Variants in ZNF215 observed in about 807,000 individuals in gnomAD.
ZNF215 encodes the protein zinc finger protein 215, also known as BWSCR2-associated zinc finger protein 2.
A neutral mutation model predicts 27.2 loss-of-function variants in ZNF215; 24 were observed. That is an observed-to-expected ratio of 0.88 (90% CI 0.64 to 1.24). The LOEUF is 1.24. Ranked by LOEUF, ZNF215 falls within the 50% of genes most tolerant of loss-of-function variation. The probability of loss-of-function intolerance (pLI) is 0.00; values close to 1 mark genes in which losing one functional copy is unlikely to be tolerated. For missense variants in ZNF215, 675 were observed against 605.7 expected (o/e 1.11, Z -1.20); for synonymous variants, 210 against 204.0 (o/e 1.03, Z -0.25).
chr11:6,983,848 G>A (rs1851010087), intron 5 of ZNF215, among the ~76,000 whole-genome samples: 1 of 151,984 alleles, frequency 6.6e-6, no homozygotes, highest in Non-Finnish European at 1.5e-5. Flanking sequence ...GTAGAAATCT[G>A]GCAAAGAATA....
intron 5 of ZNF215, among the ~76,000 whole-genome samples, chr11:6,965,015 G>C (rs1031646628): frequency 3.9e-5 from 6 of 152,158 alleles, no homozygotes; most frequent in Admixed American, 2.0e-4. Flanking sequence ...CCAACAAGCT[G>C]TACAAGTAGA....
At chr11:6,930,803 T>G (rs959276966) in intron 2 of ZNF215, among the ~76,000 whole-genome samples, 26 of 152,372 alleles carry the variant, frequency 1.7e-4, no homozygotes, top group African/African-American at 5.5e-4. Context: ...AAACTTGGGT[T>G]AATATAATTT....
chr11:6,946,364 C>T (rs1849814667), intron 6 of ZNF215, among the ~76,000 whole-genome samples: 1 of 152,222 alleles, frequency 6.6e-6, no homozygotes, highest in Non-Finnish European at 1.5e-5. Context: ...TCTCACCTTG[C>T]ACCACATCCT....
At chr11:6,962,625 C>T (rs1329124424), downstream of ZNF215, among the ~76,000 whole-genome samples, 2 of 152,052 alleles carry the variant, frequency 1.3e-5, no homozygotes. Flanking sequence ...TGCTTGGTGT[C>T]TTCACCTTGT....
chr11:6,973,033 T>C (rs1388353455), intron 5 of ZNF215, among the ~76,000 whole-genome samples: 3 of 152,068 alleles, frequency 2.0e-5, no homozygotes, highest in Non-Finnish European at 4.4e-5. Context: ...ATTAAGTATA[T>C]CTCATAATGC....
chr11:6,936,525 A>G (rs1468707333), intron 3 of ZNF215, among the ~76,000 whole-genome samples: 1 of 152,104 alleles, frequency 6.6e-6, no homozygotes, highest in Non-Finnish European at 1.5e-5. Flanking sequence ...AAACTCAAAG[A>G]TGATATGGCT....
chr11:6,926,950 C>G (rs1305716886), intron 1 of ZNF215: 2 of 130,586 alleles, frequency 1.5e-5, no homozygotes, highest in African/African-American at 3.0e-5. Flanking sequence ...TTGAGAGCAG[C>G]GACAGAGGGC....
chr11:6,934,679 G>T (rs544568074), intron 3 of ZNF215, among the ~76,000 whole-genome samples: 1 of 152,124 alleles, frequency 6.6e-6, no homozygotes, highest in East Asian at 1.9e-4. Context: ...CACTGGAAAA[G>T]GTTCCTCACT....
intron 6 of ZNF215, among the ~76,000 whole-genome samples, chr11:6,950,949 T>C (rs1850031166): frequency 6.6e-6 from 1 of 152,150 alleles, no homozygotes; most frequent in South Asian, 2.1e-4. Flanking sequence ...TGAAGGGTTG[T>C]TGAATTTTGT....
At chr11:6,953,276 T>C (rs1850160176) in intron 6 of ZNF215, among the ~76,000 whole-genome samples, 2 of 152,240 alleles carry the variant, frequency 1.3e-5, no homozygotes, top group South Asian at 4.1e-4. Context: ...ATCTGAATGT[T>C]GGCCTGCCTT....
chr11:6,940,763 G>A (rs1323674966), intron 3 of ZNF215, among the ~76,000 whole-genome samples: 1 of 152,024 alleles, frequency 6.6e-6, no homozygotes, highest in Non-Finnish European at 1.5e-5. Flanking sequence ...AAATGGGGGT[G>A]GAGATGATCC....
At chr11:6,953,086 G>C (rs1242331898) in intron 6 of ZNF215, among the ~76,000 whole-genome samples, 1 of 152,148 alleles carries the variant, frequency 6.6e-6, no homozygotes, top group Non-Finnish European at 1.5e-5. Flanking sequence ...GGCTTGTAGA[G>C]TTTCTGCCAA....
chr11:6,991,066 T>C (rs746432315), downstream of ZNF215, among the ~76,000 whole-genome samples: 4 of 152,210 alleles, frequency 2.6e-5, no homozygotes, highest in Non-Finnish European at 5.9e-5. Flanking sequence ...ATATCCTCCT[T>C]TTCAAAGCTT....
downstream of ZNF215, among the ~76,000 whole-genome samples, chr11:6,988,039 G>A (rs1851078963): frequency 1.3e-5 from 2 of 152,180 alleles, no homozygotes; most frequent in African/African-American, 4.8e-5. Context: ...GTAGGAGACT[G>A]AATCCCTGTG....
chr11:6,948,899 C>A (rs1004874288), intron 6 of ZNF215, among the ~76,000 whole-genome samples: 2 of 103,726 alleles, frequency 1.9e-5, no homozygotes, highest in African/African-American at 7.4e-5. Flanking sequence ...TCCCTCCCCC[C>A]TCCCCCCACC....
chr11:6,984,122 T>TTC (rs1467234532), intron 5 of ZNF215: 1 of 417,868 alleles, frequency 2.4e-6, no homozygotes, highest in Non-Finnish European at 4.7e-6. Flanking sequence ...ATTTTTTTTT[T>TTC]TTTCAGATGG....
downstream of ZNF215, chr11:6,988,852 T>C (rs1201543776): frequency 6.6e-6 from 1 of 152,158 alleles, no homozygotes; most frequent in African/African-American, 2.4e-5. Flanking sequence ...ACCTGAGCTA[T>C]GTGATCCTAT....
chr11:6,980,040 G>A (rs761066111), intron 5 of ZNF215, among the ~76,000 whole-genome samples: 18 of 151,934 alleles, frequency 1.2e-4, no homozygotes, highest in Non-Finnish European at 2.6e-4. Context: ...AAATTTAAAC[G>A]CTAAAAATGA....
downstream of ZNF215, chr11:6,958,095 C>G: frequency 2.0e-6 from 2 of 976,318 alleles, no homozygotes; most frequent in Non-Finnish European, 2.4e-6. Flanking sequence ...TAGGACAAAG[C>G]CCTACATAAG....
Sources: allele counts gnomAD v4.1 joint callset (sites outside exome capture counted in the v4.1 genomes callset), GRCh38; gene constraint gnomAD v4.1.1; transcripts MANE v1.5; gene names NCBI Gene and HGNC (gene_info 2026-07-23, HGNC 2026-07-21).